The following DNAAF1 variants were observed in gnomAD, a reference collection of about 807,000 sequenced individuals.
The protein encoded by DNAAF1 is dynein assembly factor 1, axonemal.
Under a neutral mutation model 71.1 loss-of-function variants are expected in DNAAF1, and 65 were observed. The ratio of observed to expected loss-of-function variants is 0.91; its 90% CI spans 0.75 to 1.12. DNAAF1 has a LOEUF of 1.12. Ranked by LOEUF, DNAAF1 falls within the 50% of genes most tolerant of loss-of-function variation. DNAAF1 has a pLI of 0.00. For missense variants in DNAAF1, 1,178 were observed against 899.8 expected (o/e 1.31, Z -3.96); for synonymous variants, 414 against 354.6 (o/e 1.17, Z -1.88).
At position 84,177,846 on chromosome 16, in the gene DNAAF1, C is replaced by T; in HGVS notation, c.*5C>T. The T allele has an allele frequency of 6.2e-7, 1 of 1,610,000 alleles. No homozygotes were observed. Among genetic ancestry groups the T allele is most frequent in the Non-Finnish European group, 8.5e-7 (1 of 1,176,298 alleles). ...CCAGCACCGAAAGCATCATAGTTTT[C>T]CCCAGTTATATGTAGCATAAATGGT... On this transcript the variant is annotated 3_prime_UTR_variant, in exon 12 of 12. Coordinates refer to ENST00000378553, the MANE Select transcript of DNAAF1 (RefSeq NM_178452.6).
At chr16:84,161,195 C>G (rs945018491) in intron 6 of DNAAF1, among the ~76,000 whole-genome samples, 1 of 152,162 alleles carries the variant, frequency 6.6e-6, no homozygotes. Context: ...CCTGTGAGCG[C>G]CTGTGAGCAA....
intron 1 of DNAAF1, among the ~76,000 whole-genome samples, chr16:84,148,646 T>C (rs1211408743): frequency 2.9e-5 from 4 of 137,574 alleles, no homozygotes; most frequent in Non-Finnish European, 6.2e-5. Context: ...GTTGCCAGGC[T>C]GGAGTACAGT....
chr16:84,147,273 C>G (rs189683256), intron 1 of DNAAF1, among the ~76,000 whole-genome samples: 12 of 152,216 alleles, frequency 7.9e-5, no homozygotes, highest in African/African-American at 2.6e-4. Context: ...CTTCCTGTGG[C>G]TGGGCATTCT....
At chr16:84,172,593 G>C in intron 9 of DNAAF1, 2 of 1,375,360 alleles carry the variant, frequency 1.5e-6, no homozygotes, top group South Asian at 1.5e-5. Flanking sequence ...TAGGTGATTC[G>C]TGCACATGCA....
chr16:84,157,130 C>G (rs1188020786), intron 5 of DNAAF1, among the ~76,000 whole-genome samples: 1 of 151,950 alleles, frequency 6.6e-6, no homozygotes, highest in Non-Finnish European at 1.5e-5. Flanking sequence ...GACAGTGAAA[C>G]CTTTCTTTTT....
At chr16:84,147,806 C>T (rs1210453532) in intron 1 of DNAAF1, among the ~76,000 whole-genome samples, 1 of 152,046 alleles carries the variant, frequency 6.6e-6, no homozygotes, top group Non-Finnish European at 1.5e-5. Context: ...TGGCTCACGC[C>T]TGTAATCCCA....
chr16:84,146,812 G>A (rs1019373139), intron 1 of DNAAF1, among the ~76,000 whole-genome samples: 4 of 151,846 alleles, frequency 2.6e-5, no homozygotes, highest in East Asian at 1.9e-4. Context: ...GTGCCCTAAA[G>A]GAAACCTTTT....
At chr16:84,147,803 C>T (rs1473969217) in intron 1 of DNAAF1, among the ~76,000 whole-genome samples, 2 of 152,086 alleles carry the variant, frequency 1.3e-5, no homozygotes, top group African/African-American at 4.8e-5. Flanking sequence ...CGGTGGCTCA[C>T]GCCTGTAATC....
At chr16:84,146,315 T>G (rs890762710) in intron 1 of DNAAF1, among the ~76,000 whole-genome samples, 1 of 152,174 alleles carries the variant, frequency 6.6e-6, no homozygotes, top group Non-Finnish European at 1.5e-5. Context: ...TTGATTGAAT[T>G]TGGAGTCTAG....
At chr16:84,159,412 A>C (rs943656001) in intron 5 of DNAAF1, among the ~76,000 whole-genome samples, 1 of 152,240 alleles carries the variant, frequency 6.6e-6, no homozygotes, top group East Asian at 1.9e-4. Flanking sequence ...AATGTTTTCC[A>C]GTATTGTTCT....
chr16:84,146,380 G>T (rs1433178522), intron 1 of DNAAF1, among the ~76,000 whole-genome samples: 1 of 152,164 alleles, frequency 6.6e-6, no homozygotes, highest in Non-Finnish European at 1.5e-5. Flanking sequence ...TCTGGGGTCA[G>T]TGTGTGATCC....
chr16:84,152,713 G>C (rs1248149803), intron 3 of DNAAF1, among the ~76,000 whole-genome samples: 1 of 151,666 alleles, frequency 6.6e-6, no homozygotes, highest in Admixed American at 6.6e-5. Flanking sequence ...CAGCACTTTG[G>C]GAGGCCAAGG....
chr16:84,166,315 A>G (rs1386412928), intron 7 of DNAAF1, among the ~76,000 whole-genome samples: 2 of 151,436 alleles, frequency 1.3e-5, no homozygotes, highest in Non-Finnish European at 2.9e-5. Context: ...GGCTTCCCAA[A>G]GTGCTGGGAT....
intron 7 of DNAAF1, among the ~76,000 whole-genome samples, chr16:84,168,531 G>C (rs1385132990): frequency 6.6e-6 from 1 of 152,088 alleles, no homozygotes; most frequent in Non-Finnish European, 1.5e-5. Flanking sequence ...TCCCGCCTCG[G>C]CCTCCCAAAG....
chr16:84,173,448 A>G, intron 9 of DNAAF1: 1 of 968,502 alleles, frequency 1.0e-6, no homozygotes, highest in Non-Finnish European at 1.2e-6. Context: ...TGGGCGACAG[A>G]GCGAGACTCC....
At chr16:84,177,231 C>T (rs560813612) in intron 11 of DNAAF1, 14 of 224,478 alleles carry the variant, frequency 6.2e-5, no homozygotes, top group East Asian at 1.1e-4. Flanking sequence ...AGCTGGAGCC[C>T]GTGCAGCCTC....
intron 9 of DNAAF1, chr16:84,172,729 C>T (rs756043574): frequency 6.0e-6 from 7 of 1,171,044 alleles, no homozygotes; most frequent in Middle Eastern, 3.9e-4. Flanking sequence ...TATCCAAATT[C>T]GTGGTGAGAG....
At chr16:84,168,038 A>T (rs1045612941) in intron 7 of DNAAF1, among the ~76,000 whole-genome samples, 1 of 152,036 alleles carries the variant, frequency 6.6e-6, no homozygotes, top group East Asian at 1.9e-4. Context: ...AAACCCCACA[A>T]ATCTGTTTTA....
At chr16:84,176,441 T>C (rs1405506426) in intron 11 of DNAAF1, 142 bp downstream of exon 11, 1 of 1,289,346 alleles carries the variant, frequency 7.8e-7, no homozygotes, top group Non-Finnish European at 1.1e-6. Context: ...ACAGATCCTC[T>C]GAAGGTCCCA....
Sources: gnomAD v4.1 joint callset for allele counts (sites outside exome capture counted in the v4.1 genomes callset) on GRCh38, gnomAD v4.1.1 for gene constraint, MANE v1.5 for transcripts, NCBI Gene and HGNC (gene_info 2026-07-23, HGNC 2026-07-21) for gene names.